The following MORC4 variants were observed in gnomAD, a reference collection of about 807,000 sequenced individuals.
The protein encoded by MORC4 is MORC family CW-type zinc finger protein 4.
A neutral mutation model predicts 65.5 loss-of-function variants in MORC4; 22 were observed. That is an observed-to-expected ratio of 0.34 (90% CI 0.24 to 0.48). The LOEUF (loss-of-function observed/expected upper bound fraction) is 0.48, where lower values mean the gene tolerates loss of function less well. MORC4 is among the 20% of genes least tolerant of loss of function. The pLI, the probability that MORC4 is intolerant of heterozygous loss-of-function variation, is 0.99. For synonymous variants in MORC4, 267 were observed against 255.8 expected (o/e 1.04, Z -0.42); for missense variants, 624 against 703.0 (o/e 0.89, Z 1.27).
At chrX:106,964,046 C>A (rs947811034) in intron 9 of MORC4, among the ~76,000 whole-genome samples, 1 of 111,118 alleles carries the variant, frequency 9.0e-6, no homozygotes, top group South Asian at 3.8e-4. Flanking sequence ...TAGAAACCAC[C>A]CCTGAAAAAG....
At chrX:106,986,223 A>G in intron 3 of MORC4, 23 bp from the exon 4 acceptor site, 2 of 1,111,248 alleles carry the variant, frequency 1.8e-6, no homozygotes, top group Non-Finnish European at 2.4e-6. Context: ...AAGAAAAAAC[A>G]AATCAGAAAA....
chrX:106,949,148 T>C (rs778764615), intron 14 of MORC4, among the ~76,000 whole-genome samples: 4 of 112,020 alleles, frequency 3.6e-5, no homozygotes, highest in Non-Finnish European at 5.6e-5. Flanking sequence ...CAAGTTTTTT[T>C]ATTCTTTATT....
In MORC4 at chrX:106,954,092, C is replaced by T. The variant is rs1341686380; in HGVS notation, c.1685+821G>A. On this transcript the variant is annotated intron_variant, in intron 14 of 16. Coordinates refer to ENST00000355610, the MANE Select transcript of MORC4 (RefSeq NM_024657.5). ...GAGCCAAGATCACGCCATTGGACTC[C>T]AGCCTGGGCAACAAGAGCGAAACAT... 2.7e-5 allele frequency among the ~76,000 whole-genome samples: 3 copies of T among 112,926 alleles called. No individual in the cohort carries two copies. The Admixed American group carries it at 2.8e-4, about 11-fold the overall frequency.
intron 2 of MORC4, among the ~76,000 whole-genome samples, chrX:106,994,240 T>C (rs1935034791): frequency 8.9e-6 from 1 of 112,007 alleles, no homozygotes; most frequent in Non-Finnish European, 1.9e-5. Flanking sequence ...CAGGCACCAG[T>C]TTACATAATT....
chrX:106,969,828 ATAAT>A (rs1211504266), intron 9 of MORC4, among the ~76,000 whole-genome samples: 8 of 111,941 alleles, frequency 7.1e-5, no homozygotes, highest in African/African-American at 2.6e-4. Flanking sequence ...AATTGAGGCA[ATAAT>A]TAATAGCCTA....
In MORC4 at chrX:106,981,394, A is replaced by AT; in HGVS notation, c.757dup (p.Met253AsnfsTer8). 1 of 1,206,325 alleles carries AT rather than the reference A, an allele frequency of 8.3e-7. No individual in the cohort carries two copies. On this transcript the variant is annotated frameshift_variant, in exon 6 of 17. Coordinates refer to ENST00000355610, the MANE Select transcript of MORC4 (RefSeq NM_024657.5). LOFTEE classifies it high-confidence loss of function. ...TAGCTCAGAGGTAACACCGCCAGTC[A>AT]TTTTTTCTTCTGTGTCAAAGTCTGA...
Position 106,941,405 on chromosome X carries a change from A to AGAGG in MORC4, c.*73_*74insCCTC. The AGAGG allele has an allele frequency of 1.3e-6, 1 of 750,358 alleles. No homozygotes were observed. Among genetic ancestry groups the AGAGG allele is most frequent in the Non-Finnish European group, 1.9e-6 (1 of 532,195 alleles). 61.8% of individuals were successfully genotyped at this position (750,358 alleles called of 1,213,427 possible). On this transcript the variant is annotated 3_prime_UTR_variant, in exon 17 of 17. Coordinates refer to ENST00000355610, the MANE Select transcript of MORC4 (RefSeq NM_024657.5). Reference sequence around the variant, plus strand: ...GAGAGAGAGAGAGAGAGAGAGAGAGAGAGAGACGTGAGGGAGGGAGAGAAA... The same window carrying AGAGG: ...GAGAGAGAGAGAGAGAGAGAGAGAGAGAGGGAGAGACGTGAGGGAGGGAGAGAAA...
chrX:106,941,735 TATGTTTTCATTAGCTA>T, intron 16 of MORC4, 103 bp from the exon 17 acceptor site: 2 of 900,442 alleles, frequency 2.2e-6, no homozygotes. Flanking sequence ...TCTCAACAGT[TATGTTTTCATTAGCTA>T]GAAAGAAGAA....
chrX:106,958,525 T>C lies in MORC4; in HGVS notation c.1257-61A>G, dbSNP rs766177727. The C allele has an allele frequency of 6.2e-5, 63 of 1,018,416 alleles. No homozygotes were observed. In the Middle Eastern group the frequency reaches 8.1e-4, roughly 13 times the overall value. The allele number at this position is 1,018,416 out of a possible 1,213,427, so 83.9% of individuals were successfully genotyped here. A position where few individuals can be genotyped will look rare whatever the true frequency, so the allele number is the denominator to read the frequency against. On this transcript the variant is annotated intron_variant, in intron 10 of 16. Transcript: ENST00000355610. Reference sequence around the variant, plus strand: ...TCTTAGCTCTGTGCTTTGTCTTACATTAGAAAGGTGCAGCCAAAAAAAGAA... The same window carrying C: ...TCTTAGCTCTGTGCTTTGTCTTACACTAGAAAGGTGCAGCCAAAAAAAGAA...
At chrX:106,999,404 A>G (rs1182579161) in intron 2 of MORC4, among the ~76,000 whole-genome samples, 2 of 111,603 alleles carry the variant, frequency 1.8e-5, no homozygotes, top group African/African-American at 6.5e-5. Context: ...AAGCTATCCT[A>G]AAGTGCCCGA....
chrX:106,966,714 C>T (rs768108884), intron 9 of MORC4, among the ~76,000 whole-genome samples: 1 of 112,873 alleles, frequency 8.9e-6, no homozygotes, highest in South Asian at 3.6e-4. Context: ...ACCTGGAACA[C>T]GGGAGCTTGG....
At chrX:106,978,279 A>G in intron 7 of MORC4, 80 bp from the exon 8 acceptor site, 1 of 994,870 alleles carries the variant, frequency 1.0e-6, no homozygotes. Context: ...AGCAAAAACC[A>G]TCAAATACCA....
intron 2 of MORC4, among the ~76,000 whole-genome samples, chrX:106,995,754 C>T (rs12391320): frequency 1.8e-3 from 205 of 112,430 alleles, no homozygotes; most frequent in Middle Eastern, 0.014. Context: ...GTCTGTCCTA[C>T]AATGGCAGCT....
intron 9 of MORC4, among the ~76,000 whole-genome samples, chrX:106,964,522 TC>T (rs1163524220): frequency 1.2e-4 from 13 of 111,155 alleles, no homozygotes; most frequent in African/African-American, 3.9e-4. Flanking sequence ...AATATAAACA[TC>T]CAACCTTAAC....
intron 3 of MORC4, among the ~76,000 whole-genome samples, chrX:106,991,895 ACT>A (rs1460564795): frequency 9.0e-6 from 1 of 111,431 alleles, no homozygotes; most frequent in Non-Finnish European, 1.9e-5. Flanking sequence ...ATGGAGTGAG[ACT>A]CTGTCTCAAA....
Position 107,000,002 on chromosome X carries a change from G to T in MORC4, c.-33C>A, listed in dbSNP as rs759387063. 1.4e-6 allele frequency: 1 copy of T among 697,802 alleles called. No individual in the cohort carries two copies. The highest frequency in any genetic ancestry group is 1.8e-6 in the Non-Finnish European group (1 of 554,142). The allele number at this position is 697,802 out of a possible 1,213,427, so 57.5% of individuals were successfully genotyped here. A position where few individuals can be genotyped will look rare whatever the true frequency, so the allele number is the denominator to read the frequency against. On this transcript the variant is annotated 5_prime_UTR_variant, in exon 1 of 17. Coordinates refer to ENST00000355610, the MANE Select transcript of MORC4 (RefSeq NM_024657.5). The stretch of plus-strand genomic sequence containing the variant: ...GCCGCCACGGTACCCGTCTGCTGCC[G>T]CCGGACCCCTGGCCCGGCGGTCCGG...
chrX:106,943,280 C>T, intron 14 of MORC4, 75 bp from the exon 15 acceptor site: 4 of 798,894 alleles, frequency 5.0e-6, no homozygotes, highest in Non-Finnish European at 7.3e-6. Flanking sequence ...GGAGCCCCAA[C>T]TCAAACTTCC....
Position 106,981,270 on chromosome X carries a change from G to A in MORC4, c.807+75C>T, listed in dbSNP as rs772833265. On this transcript the variant is annotated intron_variant, in intron 6 of 16. Coordinates refer to ENST00000355610, the MANE Select transcript of MORC4 (RefSeq NM_024657.5). Reference sequence around the variant, plus strand: ...CGTTGTTATCTTTGTATAACTAAAAGAAGATCTTGTTCTATAATATTTTCA... The same window carrying A: ...CGTTGTTATCTTTGTATAACTAAAAAAAGATCTTGTTCTATAATATTTTCA... 264 of 1,036,411 alleles carry A rather than the reference G, an allele frequency of 2.5e-4. 3 individuals are homozygous for A. In the South Asian group the frequency reaches 5.2e-3, roughly 20 times the overall value. The allele number at this position is 1,036,411 out of a possible 1,213,427, so 85.4% of individuals were successfully genotyped here. A position where few individuals can be genotyped will look rare whatever the true frequency, so the allele number is the denominator to read the frequency against.
At chrX:106,999,811 G>GC (rs2147831453) in intron 1 of MORC4, 57 bp downstream of exon 1, 1 of 922,007 alleles carries the variant, frequency 1.1e-6, no homozygotes, top group Non-Finnish European at 1.4e-6. Context: ...CTCCCCGCGC[G>GC]CCCCCCGCAG....
Sources: allele counts gnomAD v4.1 joint callset (sites outside exome capture counted in the v4.1 genomes callset), GRCh38; gene constraint gnomAD v4.1.1; transcripts MANE v1.5; gene names NCBI Gene and HGNC (gene_info 2026-07-23, HGNC 2026-07-21).